The following SHANK2 variants were observed in gnomAD, a reference collection of about 807,000 sequenced individuals.
SHANK2 encodes the protein SH3 and multiple ankyrin repeat domains protein 2.
In SHANK2, 43 loss-of-function variants were observed where a neutral mutation model predicts 133.7. The observed-to-expected ratio is 0.32, with a 90% CI of 0.25 to 0.41. The LOEUF (loss-of-function observed/expected upper bound fraction) is 0.41. Ranked by LOEUF, SHANK2 falls within the 10% of genes least tolerant of loss-of-function variation. The pLI, the probability that SHANK2 is intolerant of heterozygous loss-of-function variation, is 1.00. For synonymous variants in SHANK2, 1,017 were observed against 952.8 expected, an observed-to-expected ratio of 1.07 and a Z score of -1.24; for missense variants, 1,994 against 2,235.8, an observed-to-expected ratio of 0.89 and a Z score of 2.18.
At chr11:70,502,101 G>T in intron 19 of SHANK2, 105 bp downstream of exon 19, 2 of 1,356,668 alleles carry the variant, frequency 1.5e-6, no homozygotes, top group Non-Finnish European at 1.0e-6. Context: ...GGCAGGAGGG[G>T]GGTAGCGAGC....
At chr11:70,630,256 G>A (rs2060965848) in intron 17 of SHANK2, among the ~76,000 whole-genome samples, 1 of 152,224 alleles carries the variant, frequency 6.6e-6, no homozygotes, top group African/African-American at 2.4e-5. Context: ...GCAGGCAGCA[G>A]CGATGCCCCA....
chr11:70,672,801 T>C (rs897172015), intron 15 of SHANK2, among the ~76,000 whole-genome samples: 3 of 152,238 alleles, frequency 2.0e-5, no homozygotes, highest in Non-Finnish European at 4.4e-5. Context: ...CACCACACTC[T>C]GCAGCCTTGG....
intron 11 of SHANK2, among the ~76,000 whole-genome samples, chr11:70,876,279 T>TACACACAC (rs1949563058): frequency 6.0e-5 from 1 of 16,688 alleles, no homozygotes; most frequent in South Asian, 2.0e-3. Context: ...CACACACACT[T>TACACACAC]GGCTGGGTGC....
At chr11:70,860,537 A>C (rs1398934085) in intron 11 of SHANK2, among the ~76,000 whole-genome samples, 1 of 152,220 alleles carries the variant, frequency 6.6e-6, no homozygotes, top group African/African-American at 2.4e-5. Context: ...GGAGACTGCG[A>C]GGTCCCCAGG....
intron 17 of SHANK2, among the ~76,000 whole-genome samples, chr11:70,521,138 T>C (rs1353304600): frequency 6.6e-6 from 1 of 152,242 alleles, no homozygotes. Flanking sequence ...TTTAGGATGA[T>C]GCTGTTTTTA....
At chr11:71,206,721 A>T (rs1035543018) in intron 2 of SHANK2, among the ~76,000 whole-genome samples, 1 of 152,188 alleles carries the variant, frequency 6.6e-6, no homozygotes, top group African/African-American at 2.4e-5. Context: ...GGGTCACTCG[A>T]GGCCAGGCAT....
intron 15 of SHANK2, chr11:70,662,008 C>T (rs1049790297): frequency 1.7e-6 from 1 of 574,144 alleles, no homozygotes; most frequent in Non-Finnish European, 3.1e-6. Flanking sequence ...GCCAGGACGC[C>T]GCCCAGGGCA....
At chr11:70,557,568 G>A (rs895704213) in intron 17 of SHANK2, among the ~76,000 whole-genome samples, 15 of 152,160 alleles carry the variant, frequency 9.9e-5, no homozygotes, top group Non-Finnish European at 1.9e-4. Context: ...TGCTAAAGCC[G>A]GGAGCAGGGA....
At chr11:70,642,668 C>G (rs1002300020) in intron 17 of SHANK2, among the ~76,000 whole-genome samples, 4 of 152,180 alleles carry the variant, frequency 2.6e-5, no homozygotes, top group Non-Finnish European at 5.9e-5. Flanking sequence ...CTGGGAAACA[C>G]CAAGTGACAC....
intron 11 of SHANK2, among the ~76,000 whole-genome samples, chr11:70,879,130 G>A (rs10899616): frequency 0.22 from 34,150 of 152,026 alleles, 4,688 homozygotes; most frequent in East Asian, 0.33. Context: ...CTGGATCCAC[G>A]GAGAATTGGG....
intron 17 of SHANK2, among the ~76,000 whole-genome samples, chr11:70,573,233 G>A (rs1283436345): frequency 6.7e-6 from 1 of 148,222 alleles, no homozygotes; most frequent in Non-Finnish European, 1.5e-5. Flanking sequence ...CGGTGGGGGC[G>A]GGGCAGGGCT....
At chr11:70,482,793 C>G (rs928141991) in intron 25 of SHANK2, among the ~76,000 whole-genome samples, 1 of 152,224 alleles carries the variant, frequency 6.6e-6, no homozygotes, top group African/African-American at 2.4e-5. Context: ...CTTCAGAGTA[C>G]AGCAGGATTC....
chr11:70,496,554 G>A (rs1022327265), intron 21 of SHANK2, among the ~76,000 whole-genome samples: 9 of 152,230 alleles, frequency 5.9e-5, no homozygotes, highest in Admixed American at 2.6e-4. Context: ...AGCCGTCCCT[G>A]AATCTGGTGG....
intron 2 of SHANK2, among the ~76,000 whole-genome samples, chr11:71,177,864 A>G (rs1555113302): frequency 6.6e-6 from 1 of 152,204 alleles, no homozygotes; most frequent in Non-Finnish European, 1.5e-5. Context: ...CAAAACAACA[A>G]TGAGATACCA....
intron 10 of SHANK2, among the ~76,000 whole-genome samples, chr11:70,908,624 A>C (rs1344560189): frequency 6.6e-6 from 1 of 152,172 alleles, no homozygotes; most frequent in Non-Finnish European, 1.5e-5. Flanking sequence ...GCTGCACAGC[A>C]ACCTGGGATT....
At chr11:70,684,367 G>A (rs1945099328) in intron 15 of SHANK2, among the ~76,000 whole-genome samples, 1 of 151,934 alleles carries the variant, frequency 6.6e-6, no homozygotes. Flanking sequence ...GACCAGCTTG[G>A]GCAACCTAGA....
At chr11:71,133,647 G>T (rs1301941813) in intron 3 of SHANK2, among the ~76,000 whole-genome samples, 1 of 151,948 alleles carries the variant, frequency 6.6e-6, no homozygotes, top group Non-Finnish European at 1.5e-5. Flanking sequence ...TGGTCTAGGG[G>T]GCCTCCCTGG....
chr11:70,493,916 A>T (rs2058932690), intron 21 of SHANK2, among the ~76,000 whole-genome samples: 2 of 152,188 alleles, frequency 1.3e-5, no homozygotes, highest in South Asian at 4.1e-4. Context: ...GCAGGGAGGA[A>T]GGCCCCCATC....
At chr11:70,637,800 C>T (rs1206341924) in intron 17 of SHANK2, among the ~76,000 whole-genome samples, 18 of 152,244 alleles carry the variant, frequency 1.2e-4, no homozygotes, top group African/African-American at 4.3e-4. Context: ...CTAGGCTGCC[C>T]AGGGGAATCC....
Sources: allele counts gnomAD v4.1 joint callset (sites outside exome capture counted in the v4.1 genomes callset), GRCh38; gene constraint gnomAD v4.1.1; transcripts MANE v1.5; gene names NCBI Gene and HGNC (gene_info 2026-07-23, HGNC 2026-07-21).